MATN2: variants seen among roughly 807,000 people sequenced by gnomAD.
The protein encoded by MATN2 is matrilin 2.
A neutral mutation model predicts 103.2 loss-of-function variants in MATN2; 69 were observed. The observed-to-expected ratio is 0.67, with a 90% CI of 0.55 to 0.82. MATN2 has a LOEUF of 0.82. MATN2 is among the 40% of genes least tolerant of loss of function. The pLI is 0.00. For missense variants in MATN2, 1,023 were observed against 1,211.5 expected, an observed-to-expected ratio of 0.84 and a Z score of 2.31; for synonymous variants, 429 against 450.2, an observed-to-expected ratio of 0.95 and a Z score of 0.60.
At chr8:97,960,581 A>T (rs1811278184) in intron 4 of MATN2, among the ~76,000 whole-genome samples, 1 of 152,220 alleles carries the variant, frequency 6.6e-6, no homozygotes, top group Non-Finnish European at 1.5e-5. Context: ...AAATAAGACC[A>T]CGAATAGACA....
intron 2 of MATN2, among the ~76,000 whole-genome samples, chr8:97,922,032 AG>A (rs1433409246): frequency 6.6e-6 from 1 of 152,174 alleles, no homozygotes; most frequent in African/African-American, 2.4e-5. Flanking sequence ...TGTGCATGCA[AG>A]GGATCTAGGT....
At chr8:98,013,465 T>C (rs1216527163) in intron 10 of MATN2, among the ~76,000 whole-genome samples, 2 of 152,208 alleles carry the variant, frequency 1.3e-5, no homozygotes, top group African/African-American at 4.8e-5. Context: ...AATAGCAAAC[T>C]GAGGAAATGT....
At chr8:97,899,345 C>G (rs557651076) in intron 2 of MATN2, among the ~76,000 whole-genome samples, 2 of 152,178 alleles carry the variant, frequency 1.3e-5, no homozygotes, top group Non-Finnish European at 2.9e-5. Flanking sequence ...TTAACGGACT[C>G]TTCCTCAATA....
chr8:97,892,911 C>G, intron 2 of MATN2, among the ~76,000 whole-genome samples: 1 of 152,152 alleles, frequency 6.6e-6, no homozygotes, highest in East Asian at 1.9e-4. Context: ...CCCTGTGGGA[C>G]AGCAGGTGGC....
At chr8:97,889,510 C>A (rs1818561081) in intron 2 of MATN2, among the ~76,000 whole-genome samples, 3 of 126,584 alleles carry the variant, frequency 2.4e-5, no homozygotes, top group African/African-American at 8.1e-5. Context: ...TGCACACAAT[C>A]TTGGCTCATT....
In MATN2 at chr8:97,978,856, C is replaced by T. The variant is rs1394517021; in HGVS notation, c.959-30C>T. 9 of 1,612,886 alleles carry T rather than the reference C, an allele frequency of 5.6e-6. No homozygotes were observed. The South Asian group carries it at 9.9e-5, about 18-fold the overall frequency. On this transcript the variant is annotated intron_variant, in intron 5 of 18. Transcript: ENST00000254898. ...ATTCCCTTTTCCTCTGTTTGCATTT[C>T]TAATTCTGAATGTGTTTTATTCTCT... is the stretch of plus-strand genomic sequence containing the variant.
intron 2 of MATN2, among the ~76,000 whole-genome samples, chr8:97,903,501 A>C (rs1819060486): frequency 6.6e-6 from 1 of 152,136 alleles, no homozygotes; most frequent in Admixed American, 6.6e-5. Context: ...CTTAGCAAAT[A>C]TTTGCTGGAT....
At chr8:97,879,564 G>C (rs1818189163) in intron 1 of MATN2, among the ~76,000 whole-genome samples, 2 of 152,216 alleles carry the variant, frequency 1.3e-5, no homozygotes, top group Non-Finnish European at 1.5e-5. Context: ...GGAACTGTCA[G>C]GAGGCCTGGA....
chr8:97,945,717 A>AAAAAAATATATATATAT (rs59472539), intron 4 of MATN2, among the ~76,000 whole-genome samples: 13 of 121,832 alleles, frequency 1.1e-4, no homozygotes, highest in African/African-American at 3.7e-4. Flanking sequence ...AAAAAAAAAA[A>AAAAAAATATATATATAT]ATATATATAT....
chr8:97,876,382 T>G (rs1277803962), intron 1 of MATN2, among the ~76,000 whole-genome samples: 1 of 151,948 alleles, frequency 6.6e-6, no homozygotes, highest in East Asian at 1.9e-4. Flanking sequence ...TGAGTTGGGA[T>G]TTCTCCATGT....
At chr8:97,905,452 C>G (rs1819135828) in intron 2 of MATN2, among the ~76,000 whole-genome samples, 1 of 152,080 alleles carries the variant, frequency 6.6e-6, no homozygotes, top group South Asian at 2.1e-4. Flanking sequence ...TGCCTAAATA[C>G]CTCATACAAA....
intron 2 of MATN2, among the ~76,000 whole-genome samples, chr8:97,915,161 A>C (rs1411804362): frequency 6.6e-6 from 1 of 151,452 alleles, no homozygotes; most frequent in African/African-American, 2.4e-5. Context: ...TTGTGAAAAA[A>C]CTTTTTTTTT....
intron 2 of MATN2, among the ~76,000 whole-genome samples, chr8:97,904,117 G>T (rs992200163): frequency 3.3e-5 from 5 of 152,044 alleles, no homozygotes; most frequent in Admixed American, 2.0e-4. Context: ...GCACTCTCTG[G>T]TTTTGGTATC....
At chr8:97,914,172 G>T (rs1353290330) in intron 2 of MATN2, among the ~76,000 whole-genome samples, 1 of 151,972 alleles carries the variant, frequency 6.6e-6, no homozygotes, top group African/African-American at 2.4e-5. Flanking sequence ...CCAAGAGTAG[G>T]CTGGGAGCTT....
At chr8:97,906,998 T>C (rs904004763) in intron 2 of MATN2, among the ~76,000 whole-genome samples, 13 of 115,222 alleles carry the variant, frequency 1.1e-4, no homozygotes, top group Non-Finnish European at 1.0e-4. Flanking sequence ...CATAGCTGAC[T>C]TTTTTTTTTT....
intron 6 of MATN2, among the ~76,000 whole-genome samples, chr8:97,993,676 C>T (rs774602179): frequency 6.6e-6 from 1 of 152,108 alleles, no homozygotes; most frequent in African/African-American, 2.4e-5. Context: ...ATGAGGTAAC[C>T]AGGAGGTGTT....
Position 97,947,518 on chromosome 8 carries a change from T to C in MATN2, c.835+5619T>C, listed in dbSNP as rs78751028. On this transcript the variant is annotated intron_variant, in intron 4 of 18. Coordinates refer to ENST00000254898, the MANE Select transcript of MATN2 (RefSeq NM_002380.5). ...TGAGATTTTAAAATACCAGGTATAA[T>C]GGCATCAAAAATATGTAAATTAGGG... Among the ~76,000 whole-genome samples the C allele has an allele frequency of 4.1e-3, 619 of 152,326 alleles. 1 individual carries two copies. The highest frequency in any genetic ancestry group is 7.0e-3 in the Non-Finnish European group (478 of 68,032).
chr8:98,036,458 G>A lies in MATN2; in HGVS notation c.*746G>A, dbSNP rs527449506. On this transcript the variant is annotated 3_prime_UTR_variant, in exon 19 of 19. Transcript: ENST00000254898. ...GAATGCAAATGGCACTCTTTGTAGAGTAAGTCTGTTGACATCTCATAAAAC... is the reference window on the plus strand; with the variant it reads ...GAATGCAAATGGCACTCTTTGTAGAATAAGTCTGTTGACATCTCATAAAAC... 6.6e-6 allele frequency: 1 copy of A among 152,208 alleles called. No individual in the cohort carries two copies. The highest frequency in any genetic ancestry group is 1.5e-5 in the Non-Finnish European group (1 of 68,046). 9.4% of individuals were successfully genotyped at this position (152,208 alleles called of 1,614,324 possible).
At position 98,006,521 on chromosome 8, in the gene MATN2, GA is replaced by G. The variant is rs572815563; in HGVS notation, c.1328-582del. Among the ~76,000 whole-genome samples, 189 of 152,346 alleles carry G rather than the reference GA, an allele frequency of 1.2e-3. 1 individual carries two copies. Among genetic ancestry groups the G allele is most frequent in the African/African-American group, 4.4e-3 (182 of 41,594 alleles). ...GGGACTGCCCAGCATCCATAGCTAG[GA>G]AGTGGCAGAGGTGTGATTTGAACCC... is the stretch of plus-strand genomic sequence containing the variant. On this transcript the variant is annotated intron_variant, in intron 8 of 18. Coordinates refer to ENST00000254898, the MANE Select transcript of MATN2 (RefSeq NM_002380.5).
Sources: allele counts gnomAD v4.1 joint callset (sites outside exome capture counted in the v4.1 genomes callset), GRCh38; gene constraint gnomAD v4.1.1; transcripts MANE v1.5; gene names NCBI Gene and HGNC (gene_info 2026-07-23, HGNC 2026-07-21).